The following ENO2 variants were observed in gnomAD, a reference collection of about 807,000 sequenced individuals.
The protein encoded by ENO2 is gamma-enolase.
ENO2 carries 19 observed loss-of-function variants against 48.7 expected under a neutral mutation model. The ratio of observed to expected loss-of-function variants is 0.39; its 90% CI spans 0.27 to 0.57. The LOEUF is 0.57. ENO2 is among the 20% of genes least tolerant of loss of function. The probability of loss-of-function intolerance (pLI) is 0.58; values close to 1 mark genes in which losing one functional copy is unlikely to be tolerated. For missense variants in ENO2, 416 were observed against 555.0 expected, an observed-to-expected ratio of 0.75 and a Z score of 2.52; for synonymous variants, 198 against 213.4, an observed-to-expected ratio of 0.93 and a Z score of 0.63.
In ENO2 at chr12:6,916,891, G is replaced by A; in HGVS notation, c.241-147G>A. 1.4e-6 allele frequency: 2 copies of A among 1,385,484 alleles called. No homozygotes were observed. The highest frequency in any genetic ancestry group is 2.3e-5 in the East Asian group (1 of 43,356). The allele number at this position is 1,385,484 out of a possible 1,614,324, so 85.8% of individuals were successfully genotyped here. ...CTTAATGCACCCTGCTCCCATGGGA[G>A]TTCAGGTCCCCTAATCCAGGTAGGC... On this transcript the variant is annotated intron_variant, in intron 4 of 11. Coordinates refer to ENST00000229277, the MANE Select transcript of ENO2 (RefSeq NM_001975.3). This position sits in a 1 kb window ranked among gnomAD's most constrained non-coding sequence, Gnocchi z 4.5.
Position 6,922,014 on chromosome 12 carries a change from C to G in ENO2, c.1068-42C>G. The G allele has an allele frequency of 6.2e-7, 1 of 1,609,774 alleles. No homozygotes were observed. Among genetic ancestry groups the G allele is most frequent in the South Asian group, 1.1e-5 (1 of 90,980 alleles). On this transcript the variant is annotated intron_variant, in intron 9 of 11. Transcript: ENST00000229277. This position sits in a 1 kb window ranked among gnomAD's most constrained non-coding sequence, Gnocchi z 5.3. The stretch of plus-strand genomic sequence containing the variant: ...AAGGTTGGGGCTGGGAAGAGAGTGC[C>G]CAGTGTGAGAGCTGGAGAATCAGTG...
rs782000114 is a variant in ENO2 at position 6,916,423 on chromosome 12, T to C, written c.92T>C (p.Phe31Ser). Residue 31 changes from phenylalanine to serine, a missense_variant, in exon 3 of 12, where the codon TTC becomes TCC. Transcript: ENST00000229277. This position sits in a 1 kb window ranked among gnomAD's most constrained non-coding sequence, Gnocchi z 4.5. ...TTCCATGTTCCTCCTTTAGGTCTTT[T>C]CCGGGCTGCAGTGCCCAGTGGAGCC... ...EVDLYTAKGL[F>S]RAAVPSGAST... is the part of the protein sequence containing the mutation. The C allele has an allele frequency of 1.9e-6, 3 of 1,613,220 alleles. No individual in the cohort carries two copies. Among genetic ancestry groups the C allele is most frequent in the African/African-American group, 2.7e-5 (2 of 74,862 alleles).
chr12:6,918,309 T>G (rs1346795330), intron 7 of ENO2, 147 bp downstream of exon 7: 2 of 782,948 alleles, frequency 2.6e-6, no homozygotes, highest in African/African-American at 3.5e-5. Context: ...TAGAGTGGAT[T>G]GCAGAGAGCC....
Position 6,916,490 on chromosome 12 carries a change from C to G in ENO2, c.159C>G (p.Asp53Glu). 6.2e-7 allele frequency: 1 copy of G among 1,614,096 alleles called. No individual in the cohort carries two copies. Among genetic ancestry groups the G allele is most frequent in the Non-Finnish European group, 8.5e-7 (1 of 1,179,988 alleles). Residue 53 changes from aspartate (D) to glutamate (E), a missense_variant, in exon 3 of 12, where the codon GAC becomes GAG. Coordinates refer to ENST00000229277, the MANE Select transcript of ENO2 (RefSeq NM_001975.3). This position sits in a 1 kb window ranked among gnomAD's most constrained non-coding sequence, Gnocchi z 4.5. ...IYEALELRDG[D>E]KQRYLGKGVL... Reference sequence around the variant, plus strand: ...AGGCCCTGGAGCTGAGGGATGGAGACAAACAGCGTTACTTAGGCAAAGGTG... The same window carrying G: ...AGGCCCTGGAGCTGAGGGATGGAGAGAAACAGCGTTACTTAGGCAAAGGTG...
In ENO2 at chr12:6,916,326, T is replaced by C; in HGVS notation, c.86-91T>C. 8.5e-7 allele frequency: 1 copy of C among 1,181,702 alleles called. No homozygotes were observed. The highest frequency in any genetic ancestry group is 1.9e-4 in the Middle Eastern group (1 of 5,160). 73.2% of individuals were successfully genotyped at this position (1,181,702 alleles called of 1,614,324 possible). ...AGCAGTGTGGGGAGAGAGCTAGATG[T>C]GGTAGGCAGGCAGTTTAGAGCCAGA... On this transcript the variant is annotated intron_variant, in intron 2 of 11. Coordinates refer to ENST00000229277, the MANE Select transcript of ENO2 (RefSeq NM_001975.3). The surrounding 1 kb of genome is among the most constrained non-coding windows in gnomAD (Gnocchi z 4.5).
Position 6,917,031 on chromosome 12 carries a change from C to T in ENO2, c.241-7C>T, listed in dbSNP as rs782303286. The T allele has an allele frequency of 6.2e-7, 1 of 1,614,132 alleles. No homozygotes were observed. The highest frequency in any genetic ancestry group is 1.1e-5 in the South Asian group (1 of 91,080). ...CTGGCCCTGGGTGATGGAGGCTCTG[C>T]CCTCAGGGTCTCTCTGTGGTGGAGC... On this transcript the variant is annotated splice_region_variant and splice_polypyrimidine_tract_variant and intron_variant, in intron 4 of 11. Coordinates refer to ENST00000229277, the MANE Select transcript of ENO2 (RefSeq NM_001975.3).
rs1555141563 is a variant in ENO2 at position 6,916,021 on chromosome 12, G to C, written c.85+104G>C. ...CTTTTTTGATACCCAGGGGTATGGG[G>C]TGCTGGGCCAGGCTCACAAGCCTGG... is the stretch of plus-strand genomic sequence containing the variant. On this transcript the variant is annotated intron_variant, in intron 2 of 11. Coordinates refer to ENST00000229277, the MANE Select transcript of ENO2 (RefSeq NM_001975.3). The surrounding 1 kb of genome is among the most constrained non-coding windows in gnomAD (Gnocchi z 4.5). The C allele has an allele frequency of 2.2e-5, 27 of 1,205,714 alleles. No individual in the cohort carries two copies. Among genetic ancestry groups the C allele is most frequent in the Non-Finnish European group, 3.3e-5 (27 of 826,238 alleles). 74.7% of individuals were successfully genotyped at this position (1,205,714 alleles called of 1,614,324 possible). A position where few individuals can be genotyped will look rare whatever the true frequency, so the allele number is the denominator to read the frequency against.
rs1228239657 is a variant in ENO2, at chr12:6,922,430, G to A, written c.1235+28G>A. On this transcript the variant is annotated intron_variant, in intron 11 of 11. Transcript: ENST00000229277. This position sits in a 1 kb window ranked among gnomAD's most constrained non-coding sequence, Gnocchi z 5.3. ...GAGGGTCCCTGGGGTGGGAGCCCCT[G>A]GCCCAGATGGCTAAAGGCCCCATTT... 6 of 1,613,858 alleles carry A rather than the reference G, an allele frequency of 3.7e-6. No individual in the cohort carries two copies. In the Admixed American group the frequency reaches 1.0e-4, roughly 27 times the overall value.
intron 1 of ENO2, chr12:6,915,400 G>C (rs1332803601): frequency 3.5e-5 from 7 of 200,272 alleles, no homozygotes; most frequent in South Asian, 2.7e-4. Flanking sequence ...CTCTGGAAGA[G>C]AGGCCCAGGC....
At chr12:6,917,901 G>A in intron 6 of ENO2, 39 bp from the exon 7 acceptor site, 5 of 1,609,722 alleles carry the variant, frequency 3.1e-6, no homozygotes, top group Admixed American at 1.7e-5. Flanking sequence ...CGGGCAGGGA[G>A]GGGCTCTTTG....
chr12:6,916,494 C>G lies in ENO2; in HGVS notation c.163C>G (p.Gln55Glu). 2 of 1,614,118 alleles carry G rather than the reference C, an allele frequency of 1.2e-6. No individual in the cohort carries two copies. Among genetic ancestry groups the G allele is most frequent in the Non-Finnish European group, 1.7e-6 (2 of 1,180,000 alleles). The change falls in exon 3 of 12, where the codon CAG becomes GAG. Residue 55 changes from glutamine to glutamate, a missense_variant. Gln to Glu is a conservative substitution (Grantham distance 29, BLOSUM62 2). Transcript: ENST00000229277. The surrounding 1 kb of genome is among the most constrained non-coding windows in gnomAD (Gnocchi z 4.5). ...CCTGGAGCTGAGGGATGGAGACAAA[C>G]AGCGTTACTTAGGCAAAGGTGAGGT... is the stretch of plus-strand genomic sequence containing the variant. ...EALELRDGDK[Q>E]RYLGKGVLKA...
At chr12:6,920,987 A>G (rs1007183735) in intron 8 of ENO2, among the ~76,000 whole-genome samples, 7 of 151,596 alleles carry the variant, frequency 4.6e-5, no homozygotes, top group Admixed American at 2.0e-4. Flanking sequence ...GGGTTTTACT[A>G]TGTTAGCCAG....
At chr12:6,920,416 T>C (rs76736888) in intron 8 of ENO2, among the ~76,000 whole-genome samples, 1 of 151,752 alleles carries the variant, frequency 6.6e-6, no homozygotes, top group African/African-American at 2.4e-5. Context: ...TTTTTTTTTT[T>C]GAGACAGAGT....
chr12:6,914,626 C>T lies in ENO2; in HGVS notation c.-46C>T. 1.2e-5 allele frequency: 2 copies of T among 170,490 alleles called. No homozygotes were observed. Among genetic ancestry groups the T allele is most frequent in the Non-Finnish European group, 1.2e-5 (1 of 80,532 alleles). 10.6% of individuals were successfully genotyped at this position (170,490 alleles called of 1,614,324 possible). ...CCGCCGTCGCCACCGCCACCGCCAC[C>T]GCCACTACCACCGTCTGAGTCTGCA... On this transcript the variant is annotated 5_prime_UTR_variant, in exon 1 of 12. Transcript: ENST00000229277. This position sits in a 1 kb window ranked among gnomAD's most constrained non-coding sequence, Gnocchi z 7.1.
intron 8 of ENO2, among the ~76,000 whole-genome samples, chr12:6,920,776 G>T (rs1451623846): frequency 7.1e-6 from 1 of 141,234 alleles, no homozygotes; most frequent in Admixed American, 7.5e-5. Flanking sequence ...CTCATGGCTG[G>T]TCTCAAACTA....
Position 6,915,848 on chromosome 12 carries a change from A to C in ENO2, c.16A>C (p.Ile6Leu). MSIEK[I>L]WAREILDSRG... ...CCCAGCCATCATGTCCATAGAGAAG[A>C]TCTGGGCCCGGGAGATCCTGGACTC... The change falls in exon 2 of 12, where the codon ATC (isoleucine) becomes CTC (leucine). Residue 6 changes from isoleucine (I) to leucine (L), a missense_variant. Coordinates refer to ENST00000229277, the MANE Select transcript of ENO2 (RefSeq NM_001975.3). The C allele has an allele frequency of 6.2e-7, 1 of 1,613,496 alleles. No individual in the cohort carries two copies. The highest frequency in any genetic ancestry group is 1.1e-5 in the South Asian group (1 of 91,062).
intron 1 of ENO2, 125 bp from the exon 2 acceptor site, chr12:6,915,693 TACC>T: frequency 5.8e-6 from 2 of 342,180 alleles, no homozygotes; most frequent in Non-Finnish European, 1.2e-5. Context: ...AGCGCCTCCC[TACC>T]CACCCCCCAC....
At position 6,922,632 on chromosome 12, in the gene ENO2, A is replaced by C; in HGVS notation, c.1236-99A>C. On this transcript the variant is annotated intron_variant, in intron 11 of 11. Transcript: ENST00000229277. This position sits in a 1 kb window ranked among gnomAD's most constrained non-coding sequence, Gnocchi z 5.3. Reference sequence around the variant, plus strand: ...AAGCCTTGGGGCAGGACACAAAAGCAGGTGGTGTGGGGGTGGTTGGAGTCT... The same window carrying C: ...AAGCCTTGGGGCAGGACACAAAAGCCGGTGGTGTGGGGGTGGTTGGAGTCT... The C allele has an allele frequency of 7.0e-7, 1 of 1,421,642 alleles. No individual in the cohort carries two copies. Among genetic ancestry groups the C allele is most frequent in the Non-Finnish European group, 9.9e-7 (1 of 1,009,958 alleles). The allele number at this position is 1,421,642 out of a possible 1,614,324, so 88.1% of individuals were successfully genotyped here. A position where few individuals can be genotyped will look rare whatever the true frequency, so the allele number is the denominator to read the frequency against.
At chr12:6,917,541 G>A in intron 5 of ENO2, 40 bp from the exon 6 acceptor site, 1 of 1,591,824 alleles carries the variant, frequency 6.3e-7, no homozygotes, top group Non-Finnish European at 8.5e-7. Context: ...GAAAGGAGAA[G>A]GGGACATTGT....
Sources: gnomAD v4.1 joint callset for allele counts (sites outside exome capture counted in the v4.1 genomes callset) on GRCh38, gnomAD v4.1.1 for gene constraint, Gnocchi (gnomAD v3.1) non-coding constraint, MANE v1.5 for transcripts, NCBI Gene and HGNC (gene_info 2026-07-23, HGNC 2026-07-21) for gene names.